RDH13: variants seen among roughly 807,000 people sequenced by gnomAD.
The protein encoded by RDH13 is retinol dehydrogenase 13 (all-trans and 9-cis).
Under a neutral mutation model 28.3 loss-of-function variants are expected in RDH13, and 35 were observed. The ratio of observed to expected loss-of-function variants is 1.24; its 90% CI spans 0.95 to 1.64. RDH13 has a LOEUF of 1.64. Ranked by LOEUF, RDH13 falls within the 40% of genes most tolerant of loss-of-function variation. The pLI is 0.00. For missense variants in RDH13, 514 were observed against 446.3 expected (o/e 1.15, Z -1.37); for synonymous variants, 229 against 198.5 (o/e 1.15, Z -1.29).
chr19:55,042,376 G>A (rs1417053837), downstream of RDH13: 1 of 152,200 alleles, frequency 6.6e-6, no homozygotes, highest in Non-Finnish European at 1.5e-5. Context: ...ACAGCCAGGA[G>A]CGGTGCCCCC....
At chr19:55,063,223 G>C, upstream of RDH13, 1 of 452,850 alleles carries the variant, frequency 2.2e-6, no homozygotes, top group African/African-American at 2.0e-5. Context: ...GGATCCTAGG[G>C]ACGGGACCTA....
upstream of RDH13, among the ~76,000 whole-genome samples, chr19:55,064,801 C>A (rs57718148): frequency 7.5e-6 from 1 of 133,558 alleles, no homozygotes; most frequent in African/African-American, 2.8e-5. Flanking sequence ...TTAGTAGAGA[C>A]GGGGTTTCAC....
intron 3 of RDH13, among the ~76,000 whole-genome samples, chr19:55,051,235 G>T (rs370357947): frequency 5.3e-5 from 8 of 152,238 alleles, no homozygotes; most frequent in East Asian, 1.9e-4. Context: ...GCTGACAGGA[G>T]GCCCCTCTCA....
intron 2 of RDH13, among the ~76,000 whole-genome samples, chr19:55,058,301 T>G (rs1484841990): frequency 6.6e-6 from 1 of 151,620 alleles, no homozygotes; most frequent in Non-Finnish European, 1.5e-5. Flanking sequence ...GGCAGGAGAA[T>G]TGCTTGAACC....
At chr19:55,048,285 C>A in intron 5 of RDH13, 44 bp downstream of exon 5, 1 of 1,611,388 alleles carries the variant, frequency 6.2e-7, no homozygotes, top group Non-Finnish European at 8.5e-7. Flanking sequence ...CCGCTCTAGG[C>A]TCAGAGTAAA....
At chr19:55,066,756 C>T (rs572898282), upstream of RDH13, among the ~76,000 whole-genome samples, 4 of 151,560 alleles carry the variant, frequency 2.6e-5, no homozygotes, top group Admixed American at 2.0e-4. Flanking sequence ...CTCTCCCTCT[C>T]CCCCCAACTC....
At chr19:55,048,633 T>C (rs2147002200) in intron 4 of RDH13, 26 bp downstream of exon 4, 2 of 1,611,630 alleles carry the variant, frequency 1.2e-6, no homozygotes, top group Non-Finnish European at 1.7e-6. Flanking sequence ...CTTGAACCCA[T>C]GGTGCAGCCC....
rs776298884 is a variant in RDH13, at chr19:55,045,254, T to C, written c.816A>G (p.Thr272=). The change falls in exon 7 of 7, where the codon ACA becomes ACG. Residue 272 remains threonine, a synonymous_variant. Coordinates refer to ENST00000415061, the MANE Select transcript of RDH13 (RefSeq NM_001145971.2). The part of the protein sequence containing the change: ...KSPELAAQPS[T]YLAVAEELAD... ...CCAGTTCCTCCGCCACGGCCAGGTA[T>C]GTGCTGGGCTGGGCGGCCAGCTCGG... The C allele has an allele frequency of 1.1e-5, 17 of 1,613,298 alleles. No individual in the cohort carries two copies. Among genetic ancestry groups the C allele is most frequent in the Non-Finnish European group, 1.4e-5 (16 of 1,180,024 alleles).
At chr19:55,040,862 C>T (rs957527039), downstream of RDH13, 1 of 152,230 alleles carries the variant, frequency 6.6e-6, no homozygotes, top group African/African-American at 2.4e-5. Context: ...CGTGGTGGCT[C>T]ACGCCTGTAA....
intron 5 of RDH13, chr19:55,047,899 G>T (rs1568689043): frequency 3.8e-6 from 2 of 519,672 alleles, no homozygotes; most frequent in East Asian, 8.6e-5. Context: ...AGGAGTGAGG[G>T]GCCATCCCGT....
At chr19:55,060,541 G>A (rs7245554) in intron 1 of RDH13, among the ~76,000 whole-genome samples, 12,496 of 152,176 alleles carry the variant, frequency 0.082, 598 homozygotes, top group East Asian at 0.15. Context: ...CTCAGAGGCC[G>A]GTGCCGGTGC....
At chr19:55,063,153 G>A (rs2075865966), upstream of RDH13, 2 of 965,070 alleles carry the variant, frequency 2.1e-6, no homozygotes, top group South Asian at 3.0e-5. Context: ...AGGCGCAGGC[G>A]CGGCTGGGCC....
chr19:55,063,112 A>T lies in RDH13; in HGVS notation c.-80T>A, dbSNP rs2075863510. ...ACCAGCCGCCTGGGTAGCTCCGAGGAAGAGCGCGCGACGCAGCCACAGGCG... is the reference window on the plus strand; with the variant it reads ...ACCAGCCGCCTGGGTAGCTCCGAGGTAGAGCGCGCGACGCAGCCACAGGCG... On this transcript the variant is annotated 5_prime_UTR_variant, in exon 1 of 7. Coordinates refer to ENST00000415061, the MANE Select transcript of RDH13 (RefSeq NM_001145971.2). The T allele has an allele frequency of 8.3e-7, 1 of 1,209,920 alleles. No individual in the cohort carries two copies. Among genetic ancestry groups the T allele is most frequent in the Non-Finnish European group, 1.1e-6 (1 of 948,194 alleles). The allele number at this position is 1,209,920 out of a possible 1,614,324, so 74.9% of individuals were successfully genotyped here.
chr19:55,057,070 C>T (rs55897280), intron 2 of RDH13, among the ~76,000 whole-genome samples: 11,051 of 152,130 alleles, frequency 0.073, 511 homozygotes, highest in Non-Finnish European at 0.1. Flanking sequence ...CAAGGATGAC[C>T]GTCAGAAACA....
intron 3 of RDH13, among the ~76,000 whole-genome samples, chr19:55,052,480 G>A (rs1424643648): frequency 6.6e-6 from 1 of 150,846 alleles, no homozygotes. Flanking sequence ...GGAGGTGGAG[G>A]ATGCCGTGAG....
In RDH13 at chr19:55,048,400, G is replaced by C. The variant is rs1479480902; in HGVS notation, c.587C>G (p.Thr196Ser). The C allele has an allele frequency of 3.7e-6, 6 of 1,614,190 alleles. No individual in the cohort carries two copies. Among genetic ancestry groups the C allele is most frequent in the Admixed American group, 1.7e-5 (1 of 60,008 alleles). ...DLNWQTRKYN[T>S]KAAYCQSKLA... ...CTTGCTCTGGCAGTAGGCGGCTTTG[G>C]TGTTATACTTCCTCGTCTGCCAGTT... The change falls in exon 5 of 7, where the codon ACC becomes AGC. Residue 196 changes from threonine (T) to serine (S), a missense_variant. Transcript: ENST00000415061.
chr19:55,054,043 G>A lies in RDH13; in HGVS notation c.340+2610C>T, dbSNP rs867470918. 3.3e-5 allele frequency: 5 copies of A among 152,196 alleles called. No individual in the cohort carries two copies. The South Asian group carries it at 1.0e-3, about 32-fold the overall frequency. The allele number at this position is 152,196 out of a possible 1,614,324, so 9.4% of individuals were successfully genotyped here. On this transcript the variant is annotated intron_variant, in intron 3 of 6. Transcript: ENST00000415061. Reference sequence around the variant, plus strand: ...CTCTTTCTTGATCCCCAAGGGCACAGCAGGGGCTCAGTATGAATGAATGAA... The same window carrying A: ...CTCTTTCTTGATCCCCAAGGGCACAACAGGGGCTCAGTATGAATGAATGAA...
upstream of RDH13, chr19:55,064,410 A>G (rs1188713204): frequency 7.4e-6 from 1 of 134,452 alleles, no homozygotes; most frequent in Non-Finnish European, 1.6e-5. Context: ...ACAGAGTGAA[A>G]TTCTGTCAAA....
chr19:55,045,495 G>A (rs1443677221), intron 6 of RDH13, among the ~76,000 whole-genome samples, 186 bp from the exon 7 acceptor site: 2 of 152,156 alleles, frequency 1.3e-5, no homozygotes, highest in Admixed American at 1.3e-4. Context: ...CACCAGACCA[G>A]GGATCAGACC....
Sources: gnomAD v4.1 joint callset for allele counts (sites outside exome capture counted in the v4.1 genomes callset) on GRCh38, gnomAD v4.1.1 for gene constraint, MANE v1.5 for transcripts, NCBI Gene and HGNC (gene_info 2026-07-23, HGNC 2026-07-21) for gene names.